SPON1: variants seen among roughly 807,000 people sequenced by gnomAD.
The protein encoded by SPON1 is spondin-1.
A neutral mutation model predicts 111.7 loss-of-function variants in SPON1; 52 were observed. The ratio of observed to expected loss-of-function variants is 0.47; its 90% CI spans 0.37 to 0.59. The LOEUF is 0.59. Ranked by LOEUF, SPON1 falls within the 20% of genes least tolerant of loss-of-function variation. The pLI is 0.00. For missense variants in SPON1, 957 were observed against 1,068.5 expected (o/e 0.90, Z 1.46); for synonymous variants, 410 against 395.8 (o/e 1.04, Z -0.43).
At position 13,963,125 on chromosome 11, in the gene SPON1, C is replaced by T. The variant is rs1274268473; in HGVS notation, c.221C>T (p.Pro74Leu). ...RVEGDPDFYK[P>L]GTSYRVTLSA... ...GAGGGCGACCCCGACTTCTACAAGC[C>T]GGGAACCAGCTACCGCGGTAAGTGG... Residue 74 changes from proline (P) to leucine (L), a missense_variant, in exon 1 of 16, where the codon CCG (proline) becomes CTG (leucine). By Grantham distance (98) the Pro-to-Leu change is moderately conservative (BLOSUM62 -3). Coordinates refer to ENST00000576479, the MANE Select transcript of SPON1 (RefSeq NM_006108.4). 2 of 1,516,632 alleles carry T rather than the reference C, an allele frequency of 1.3e-6. No individual in the cohort carries two copies. The highest frequency in any genetic ancestry group is 1.4e-5 in the African/African-American group (1 of 69,978). 93.9% of individuals were successfully genotyped at this position (1,516,632 alleles called of 1,614,324 possible).
chr11:14,143,687 G>T (rs10832195), intron 6 of SPON1, among the ~76,000 whole-genome samples: 59,135 of 151,824 alleles, frequency 0.39, 11,741 homozygotes, highest in East Asian at 0.55. Context: ...CTCAGGGCAG[G>T]ATTTCAGTCC....
In SPON1 at chr11:14,259,696, A is replaced by G. The variant is rs1554941716; in HGVS notation, c.1826A>G (p.Glu609Gly). ...TSQAEKCMMPECHTIPCLLSP... is the reference protein window; with the variant it reads ...TSQAEKCMMPGCHTIPCLLSP... ...CAGGCAGAGAAGTGCATGATGCCAG[A>G]GTGCCGTGAGTGAGAGCGGGGGTGG... Residue 609 changes from glutamate to glycine, a missense_variant, in exon 13 of 16, where the codon GAG (glutamate) becomes GGG (glycine). By Grantham distance (98) the Glu-to-Gly change is moderately conservative (BLOSUM62 -2). This residue lies in a region of SPON1 where 549 missense variants were observed against 606.2 expected (regional missense o/e 0.91). Transcript: ENST00000576479. This position sits in a 1 kb window ranked among gnomAD's most constrained non-coding sequence, Gnocchi z 5.0. The G allele has an allele frequency of 1.3e-6, 2 of 1,571,720 alleles. No homozygotes were observed. Among genetic ancestry groups the G allele is most frequent in the Admixed American group, 3.7e-5 (2 of 53,618 alleles).
intron 6 of SPON1, among the ~76,000 whole-genome samples, chr11:14,165,645 A>C (rs1236841471): frequency 1.3e-5 from 2 of 152,214 alleles, no homozygotes; most frequent in Non-Finnish European, 2.9e-5. Context: ...ACCCACAAAG[A>C]ATTTAGAATT....
chr11:14,052,903 A>C (rs1591362351), intron 3 of SPON1, among the ~76,000 whole-genome samples: 1 of 152,192 alleles, frequency 6.6e-6, no homozygotes, highest in Non-Finnish European at 1.5e-5. Context: ...GCTTGGTGGG[A>C]AGACTAAAGC....
chr11:14,165,525 G>GT (rs1246908898), intron 6 of SPON1, among the ~76,000 whole-genome samples: 4 of 152,170 alleles, frequency 2.6e-5, no homozygotes, highest in Admixed American at 6.5e-5. Context: ...TTTTACTACA[G>GT]TGTTTAAAGT....
chr11:14,001,940 T>C (rs1275030996), intron 2 of SPON1, among the ~76,000 whole-genome samples: 1 of 152,192 alleles, frequency 6.6e-6, no homozygotes, highest in Non-Finnish European at 1.5e-5. Flanking sequence ...TAAATGGTAG[T>C]CATAATTACT....
chr11:14,258,226 T>C (rs1849131576), intron 11 of SPON1, among the ~76,000 whole-genome samples: 1 of 152,242 alleles, frequency 6.6e-6, no homozygotes, highest in Admixed American at 6.5e-5. Flanking sequence ...AAGGAGCCTG[T>C]TAACAGTCAG....
chr11:14,155,553 GT>G, intron 6 of SPON1, among the ~76,000 whole-genome samples: 1 of 150,966 alleles, frequency 6.6e-6, no homozygotes, highest in African/African-American at 2.4e-5. Context: ...ACAATGTGCA[GT>G]TTAGTTACAT....
chr11:14,264,144 T>C (rs1167091883), intron 15 of SPON1, among the ~76,000 whole-genome samples: 4 of 150,842 alleles, frequency 2.7e-5, no homozygotes, highest in Admixed American at 1.3e-4. Flanking sequence ...AAGTGATAAA[T>C]GGGATGCAGA....
At position 14,173,005 on chromosome 11, in the gene SPON1, C is replaced by T. The variant is rs187739877; in HGVS notation, c.825+37437C>T. Among the ~76,000 whole-genome samples, 822 of 151,798 alleles carry T rather than the reference C, an allele frequency of 5.4e-3. 16 individuals are homozygous for T. Among genetic ancestry groups the T allele is most frequent in the African/African-American group, 0.019 (782 of 41,464 alleles). On this transcript the variant is annotated intron_variant, in intron 6 of 15. Transcript: ENST00000576479. The stretch of plus-strand genomic sequence containing the variant: ...CTCTTCTCGAGGAGCATCTTTGTGG[C>T]GTTCTCTGTATTTCCTGAATTTGAA...
At chr11:14,042,829 G>A (rs1231407280) in intron 3 of SPON1, among the ~76,000 whole-genome samples, 1 of 152,104 alleles carries the variant, frequency 6.6e-6, no homozygotes, top group Non-Finnish European at 1.5e-5. Flanking sequence ...TTGGCTTATG[G>A]AAAAAACCCC....
At chr11:14,035,815 A>C (rs2133810852) in intron 2 of SPON1, among the ~76,000 whole-genome samples, 1 of 152,130 alleles carries the variant, frequency 6.6e-6, no homozygotes, top group South Asian at 2.1e-4. Flanking sequence ...ATGGGGCCTC[A>C]CTACGTTACC....
chr11:14,090,199 G>GAA (rs3047374), intron 5 of SPON1, among the ~76,000 whole-genome samples: 11 of 113,250 alleles, frequency 9.7e-5, no homozygotes, highest in African/African-American at 1.4e-4. Context: ...ACTAGGGTAT[G>GAA]AAAAAAAAAA....
intron 6 of SPON1, among the ~76,000 whole-genome samples, chr11:14,157,360 G>C (rs983001060): frequency 1.3e-5 from 2 of 152,098 alleles, no homozygotes; most frequent in Non-Finnish European, 2.9e-5. Context: ...GGCATCACTT[G>C]TCTGTCTGTG....
intron 2 of SPON1, among the ~76,000 whole-genome samples, chr11:13,983,194 CA>C (rs1232948707): frequency 6.6e-6 from 1 of 152,254 alleles, no homozygotes; most frequent in Admixed American, 6.5e-5. Context: ...TCTCTGGGCC[CA>C]CAGTGTCCTT....
chr11:14,113,194 C>A (rs1355514274), intron 5 of SPON1, among the ~76,000 whole-genome samples: 1 of 152,160 alleles, frequency 6.6e-6, no homozygotes, highest in African/African-American at 2.4e-5. Context: ...AAGGAAATAA[C>A]CCTCTAATCA....
At chr11:14,141,664 T>A (rs1554928802) in intron 6 of SPON1, among the ~76,000 whole-genome samples, 1 of 152,188 alleles carries the variant, frequency 6.6e-6, no homozygotes, top group Non-Finnish European at 1.5e-5. Context: ...GTTGAAACAG[T>A]TTATATGGCT....
At chr11:14,180,289 C>T (rs1370546858) in intron 6 of SPON1, among the ~76,000 whole-genome samples, 1 of 152,224 alleles carries the variant, frequency 6.6e-6, no homozygotes, top group Non-Finnish European at 1.5e-5. Context: ...CAGTGTAATA[C>T]ACAAAACTGT....
chr11:14,046,566 C>T (rs1848669693), intron 3 of SPON1, among the ~76,000 whole-genome samples: 1 of 152,110 alleles, frequency 6.6e-6, no homozygotes, highest in African/African-American at 2.4e-5. Context: ...CTGGTCTGTT[C>T]TGTTGATCTT....
Sources: gnomAD v4.1 joint callset for allele counts (sites outside exome capture counted in the v4.1 genomes callset) on GRCh38, gnomAD v4.1.1 for gene constraint, gnomAD v4.1.1 regional missense constraint, Gnocchi (gnomAD v3.1) non-coding constraint, MANE v1.5 for transcripts, NCBI Gene and HGNC (gene_info 2026-07-23, HGNC 2026-07-21) for gene names.